Variants in INPP5D observed in about 807,000 individuals in gnomAD.
INPP5D encodes the protein inositol polyphosphate-5-phosphatase D.
A neutral mutation model predicts 122.9 loss-of-function variants in INPP5D; 33 were observed. The observed-to-expected ratio is 0.27, with a 90% confidence interval of 0.20 to 0.36. The LOEUF (loss-of-function observed/expected upper bound fraction) is 0.36, where lower values mean the gene tolerates loss of function less well. INPP5D is among the 10% of genes least tolerant of loss of function. The pLI is 1.00. For synonymous variants in INPP5D, 584 were observed against 576.2 expected (o/e 1.01, Z -0.19); for missense variants, 1,053 against 1,412.7 (o/e 0.75, Z 4.08).
intron 3 of INPP5D, among the ~76,000 whole-genome samples, chr2:233,122,644 G>A (rs1320760300): frequency 6.6e-6 from 1 of 152,212 alleles, no homozygotes. Flanking sequence ...TCTACAAAAA[G>A]CTTTTTAAAA....
Position 233,118,576 on chromosome 2 carries a change from C to T in INPP5D, c.199-3531C>T, listed in dbSNP as rs572789393. 2.3e-3 allele frequency among the ~76,000 whole-genome samples: 354 copies of T among 152,370 alleles called. 2 individuals are homozygous for T. Among genetic ancestry groups the T allele is most frequent in the African/African-American group, 8.0e-3 (334 of 41,590 alleles). ...AAGACACCTTCCTGGACATTTTCTC[C>T]GGGGACACCTGCCTTTGCCTGGTTG... On this transcript the variant is annotated intron_variant, in intron 2 of 26. Coordinates refer to ENST00000445964, the MANE Select transcript of INPP5D (RefSeq NM_001017915.3).
At chr2:233,064,981 C>T (rs1174725659) in intron 1 of INPP5D, among the ~76,000 whole-genome samples, 2 of 152,202 alleles carry the variant, frequency 1.3e-5, no homozygotes, top group Non-Finnish European at 2.9e-5. Context: ...GTAGCCAGAG[C>T]TACTGACATC....
intron 2 of INPP5D, among the ~76,000 whole-genome samples, chr2:233,091,559 A>G (rs1018954988): frequency 2.0e-5 from 3 of 152,150 alleles, no homozygotes; most frequent in Non-Finnish European, 2.9e-5. Context: ...TGGCCCATCA[A>G]GTCTTTCTCA....
chr2:233,136,152 C>T (rs775410234), intron 5 of INPP5D, among the ~76,000 whole-genome samples: 1 of 152,064 alleles, frequency 6.6e-6, no homozygotes, highest in African/African-American at 2.4e-5. Flanking sequence ...GAGGAAAAAC[C>T]ATAGCTTTAA....
chr2:233,166,887 G>A (rs1303976126), intron 13 of INPP5D, among the ~76,000 whole-genome samples: 2 of 152,104 alleles, frequency 1.3e-5, no homozygotes, highest in African/African-American at 4.8e-5. Flanking sequence ...GGGAGGCTGA[G>A]GCAGGAGAAT....
rs531141573 is a variant in INPP5D at position 233,102,722 on chromosome 2, C to T, written c.199-19385C>T. Among the ~76,000 whole-genome samples the T allele has an allele frequency of 1.2e-3, 177 of 149,662 alleles. 2 individuals are homozygous for T. The highest frequency in any genetic ancestry group is 4.0e-3 in the African/African-American group (159 of 40,184). ...AAAATTAGCTGGACGTGGTGGCGGG[C>T]GCCTGTAGTCCCAGCTACTCGGGAG... On this transcript the variant is annotated intron_variant, in intron 2 of 26. Coordinates refer to ENST00000445964, the MANE Select transcript of INPP5D (RefSeq NM_001017915.3).
At chr2:233,071,467 C>T (rs1194392979) in intron 1 of INPP5D, among the ~76,000 whole-genome samples, 1 of 151,954 alleles carries the variant, frequency 6.6e-6, no homozygotes, top group Non-Finnish European at 1.5e-5. Context: ...TTTCTTTCCC[C>T]AATATCATAA....
chr2:233,169,740 C>A, intron 14 of INPP5D: 1 of 590,746 alleles, frequency 1.7e-6, no homozygotes, highest in Non-Finnish European at 2.9e-6. Flanking sequence ...GGAATGAAGA[C>A]AGCCATCTAG....
rs1330743711 is a variant in INPP5D at position 233,177,724 on chromosome 2, G to A, written c.2071+378G>A. ...CAAGCAGCTGGGATTACAGGCTCCT[G>A]CCACCATGCCTGGCTAATTTTTGTA... On this transcript the variant is annotated intron_variant, in intron 18 of 26. Coordinates refer to ENST00000445964, the MANE Select transcript of INPP5D (RefSeq NM_001017915.3). This position sits in a 1 kb window ranked among gnomAD's most constrained non-coding sequence, Gnocchi z 4.2. Among the ~76,000 whole-genome samples the A allele has an allele frequency of 2.6e-5, 4 of 152,086 alleles. No individual in the cohort carries two copies. The highest frequency in any genetic ancestry group is 9.7e-5 in the African/African-American group (4 of 41,400).
rs1486789002 is a variant in INPP5D, at chr2:233,169,952, AG to A, written c.1653-72del. The stretch of plus-strand genomic sequence containing the variant: ...ATGCTCCTCGCCCCACACCTATGGC[AG>A]GAGTGACTTCCTGCCACAGTGGAGG... On this transcript the variant is annotated intron_variant, in intron 14 of 26. Coordinates refer to ENST00000445964, the MANE Select transcript of INPP5D (RefSeq NM_001017915.3). The A allele has an allele frequency of 4.2e-5, 67 of 1,605,392 alleles. No homozygotes were observed. In the East Asian group the frequency reaches 5.4e-4, roughly 13 times the overall value.
intron 2 of INPP5D, among the ~76,000 whole-genome samples, chr2:233,115,901 A>G (rs1192386495): frequency 6.6e-6 from 1 of 152,154 alleles, no homozygotes; most frequent in East Asian, 1.9e-4. Flanking sequence ...TGGGGAAGGC[A>G]GGCACAGCAA....
At chr2:233,153,605 G>C (rs942631924) in intron 9 of INPP5D, among the ~76,000 whole-genome samples, 9 of 152,176 alleles carry the variant, frequency 5.9e-5, no homozygotes, top group Non-Finnish European at 1.3e-4. Context: ...AGAGCCTTGG[G>C]GACCCCAAGA....
At chr2:233,166,706 C>G (rs762586498) in intron 13 of INPP5D, among the ~76,000 whole-genome samples, 2 of 152,188 alleles carry the variant, frequency 1.3e-5, no homozygotes, top group African/African-American at 2.4e-5. Flanking sequence ...AAATGCTGGT[C>G]GGTGTGGTAG....
intron 8 of INPP5D, 87 bp from the exon 9 acceptor site, chr2:233,147,384 G>A: frequency 1.5e-6 from 1 of 680,316 alleles, no homozygotes; most frequent in South Asian, 1.5e-5. Flanking sequence ...AGGTTGCCCA[G>A]CCATGTAGAC....
intron 5 of INPP5D, chr2:233,130,945 A>G (rs1693308929): frequency 1.8e-6 from 1 of 548,934 alleles, no homozygotes; most frequent in South Asian, 1.6e-5. Context: ...TCACTTGCAC[A>G]GGATCCAGCT....
In INPP5D at chr2:233,146,169, G is replaced by T. The variant is rs1459347498; in HGVS notation, c.761G>T (p.Gly254Val). The change falls in exon 7 of 27, where the codon GGT (glycine) becomes GTT (valine). Residue 254 changes from glycine (G) to valine (V), a missense_variant. Physicochemically the swap from Gly to Val is moderately radical, Grantham distance 109 (BLOSUM62 -3). This residue lies in a region of INPP5D where 196 missense variants were observed against 175.6 expected (regional missense o/e 1.12). Coordinates refer to ENST00000445964, the MANE Select transcript of INPP5D (RefSeq NM_001017915.3). ...PGLRPRPQVP[G>V]EANPINMVSK... The stretch of plus-strand genomic sequence containing the variant: ...CTTTCCCTCCTCTCCCAGGTTCCTG[G>T]TGAGGCCAATCCCATCAACATGGTG... The T allele has an allele frequency of 2.8e-6, 2 of 704,246 alleles. No homozygotes were observed. Among genetic ancestry groups the T allele is most frequent in the South Asian group, 3.0e-5 (2 of 67,584 alleles). The allele number at this position is 704,246 out of a possible 1,614,324, so 43.6% of individuals were successfully genotyped here.
chr2:233,189,108 C>T lies in INPP5D; in HGVS notation c.2359-742C>T, dbSNP rs1269612577. On this transcript the variant is annotated intron_variant, in intron 21 of 26. Coordinates refer to ENST00000445964, the MANE Select transcript of INPP5D (RefSeq NM_001017915.3). This position sits in a 1 kb window ranked among gnomAD's most constrained non-coding sequence, Gnocchi z 5.6. ...GTGTGATGCTCCTCCCTGCACTTGCCCGGACACAGCCCCCACTGGCCAGTG... is the reference window on the plus strand; with the variant it reads ...GTGTGATGCTCCTCCCTGCACTTGCTCGGACACAGCCCCCACTGGCCAGTG... 2.0e-5 allele frequency among the ~76,000 whole-genome samples: 3 copies of T among 152,214 alleles called. No individual in the cohort carries two copies. Among genetic ancestry groups the T allele is most frequent in the Non-Finnish European group, 4.4e-5 (3 of 68,042 alleles).
rs748277334 is a variant in INPP5D at position 233,171,019 on chromosome 2, A to C, written c.1901-45A>C. 17 of 1,605,402 alleles carry C rather than the reference A, an allele frequency of 1.1e-5. No individual in the cohort carries two copies. The East Asian group carries it at 3.4e-4, about 32-fold the overall frequency. ...AGAATAGGGAAAATTGGCCAGATGCAAAACCTGGGGAATCAGAATTAAAAC... is the reference window on the plus strand; with the variant it reads ...AGAATAGGGAAAATTGGCCAGATGCCAAACCTGGGGAATCAGAATTAAAAC... On this transcript the variant is annotated intron_variant, in intron 16 of 26. Transcript: ENST00000445964.
intron 22 of INPP5D, among the ~76,000 whole-genome samples, 183 bp downstream of exon 22, chr2:233,190,120 G>T (rs750512454): frequency 6.6e-6 from 1 of 152,186 alleles, no homozygotes; most frequent in Non-Finnish European, 1.5e-5. Flanking sequence ...TAGGCTTCTG[G>T]GCAGGACAGC....
Sources: gnomAD v4.1 joint callset for allele counts (sites outside exome capture counted in the v4.1 genomes callset) on GRCh38, gnomAD v4.1.1 for gene constraint, gnomAD v4.1.1 regional missense constraint, Gnocchi (gnomAD v3.1) non-coding constraint, MANE v1.5 for transcripts, NCBI Gene and HGNC (gene_info 2026-07-23, HGNC 2026-07-21) for gene names.